The following TMEM38B variants were observed in gnomAD, a reference collection of about 807,000 sequenced individuals.
TMEM38B encodes the protein trimeric intracellular cation channel type B.
A neutral mutation model predicts 28.7 loss-of-function variants in TMEM38B; 24 were observed. The ratio of observed to expected loss-of-function variants is 0.84; its 90% confidence interval spans 0.61 to 1.18. TMEM38B has a LOEUF of 1.18. Ranked by LOEUF, TMEM38B falls within the 50% of genes most tolerant of loss-of-function variation. The probability of loss-of-function intolerance (pLI) is 0.00; values close to 1 mark genes in which losing one functional copy is unlikely to be tolerated. For synonymous variants in TMEM38B, 131 were observed against 127.7 expected (o/e 1.03, Z -0.17); for missense variants, 380 against 350.9 (o/e 1.08, Z -0.66).
At chr9:105,723,454 T>G (rs1162592490) in intron 4 of TMEM38B, among the ~76,000 whole-genome samples, 2 of 151,752 alleles carry the variant, frequency 1.3e-5, no homozygotes, top group Non-Finnish European at 2.9e-5. Flanking sequence ...TCACCCAGGC[T>G]AGAGTGCAGT....
intron 2 of TMEM38B, among the ~76,000 whole-genome samples, chr9:105,717,875 C>T (rs1836167514): frequency 6.6e-6 from 1 of 152,134 alleles, no homozygotes; most frequent in South Asian, 2.1e-4. Context: ...TACTGTGTCC[C>T]AGTTTTCTAA....
At chr9:105,765,969 T>G (rs1412987987) in intron 5 of TMEM38B, among the ~76,000 whole-genome samples, 1 of 152,054 alleles carries the variant, frequency 6.6e-6, no homozygotes, top group Non-Finnish European at 1.5e-5. Context: ...GCCTGGCTAA[T>G]TTTTCATATT....
At position 105,773,547 on chromosome 9, in the gene TMEM38B, C is replaced by G. The variant is rs1341738264; in HGVS notation, c.661-318C>G. Among the ~76,000 whole-genome samples the G allele has an allele frequency of 6.6e-5, 10 of 152,126 alleles. No homozygotes were observed. The East Asian group carries it at 1.9e-3, about 29-fold the overall frequency. ...ACAATGTAAAGCACTTATCTTCGTT[C>G]TGACACATGTTAAATGCATAGTGAT... On this transcript the variant is annotated intron_variant, in intron 5 of 5. Transcript: ENST00000374692.
chr9:105,706,434 A>G (rs965666618), intron 2 of TMEM38B, among the ~76,000 whole-genome samples: 1 of 152,240 alleles, frequency 6.6e-6, no homozygotes, highest in Non-Finnish European at 1.5e-5. Flanking sequence ...TGTGAGGTAC[A>G]CACCGGCTCA....
At chr9:105,752,384 A>C (rs73667009) in intron 5 of TMEM38B, among the ~76,000 whole-genome samples, 2,925 of 152,286 alleles carry the variant, frequency 0.019, 53 homozygotes, top group African/African-American at 0.043. Flanking sequence ...GAGACCTCCC[A>C]ACAGGGATCT....
intron 2 of TMEM38B, among the ~76,000 whole-genome samples, chr9:105,716,923 TTGGTGAGGCTTG>T (rs555721885): frequency 5.8e-4 from 89 of 152,328 alleles, no homozygotes; most frequent in African/African-American, 2.0e-3. Flanking sequence ...GTTCATAGTA[TTGGTGAGGCTTG>T]TGGTCAACAG....
intron 2 of TMEM38B, among the ~76,000 whole-genome samples, chr9:105,719,881 C>T (rs1356064867): frequency 6.6e-6 from 1 of 151,880 alleles, no homozygotes; most frequent in Non-Finnish European, 1.5e-5. Context: ...AAACAAATCC[C>T]CCTTTCTTAA....
At chr9:105,724,775 C>T (rs6477454) in intron 4 of TMEM38B, among the ~76,000 whole-genome samples, 35,524 of 152,026 alleles carry the variant, frequency 0.23, 6,809 homozygotes, top group African/African-American at 0.51. Context: ...CTTTGATTAA[C>T]GATAAGTTAT....
Position 105,773,278 on chromosome 9 carries a change from A to G in TMEM38B, c.661-587A>G, listed in dbSNP as rs75383848. Among the ~76,000 whole-genome samples, 1,372 of 152,254 alleles carry G rather than the reference A, an allele frequency of 9.0e-3. 33 individuals are homozygous for G. Among genetic ancestry groups the G allele is most frequent in the African/African-American group, 0.031 (1,276 of 41,536 alleles). ...TTATATAAAAATATATGTGGAAAAA[A>G]TTGGGGGACATTCTACAATCTGTTG... On this transcript the variant is annotated intron_variant, in intron 5 of 5. Coordinates refer to ENST00000374692, the MANE Select transcript of TMEM38B (RefSeq NM_018112.3).
At chr9:105,732,135 C>A (rs1388562450) in intron 4 of TMEM38B, among the ~76,000 whole-genome samples, 1 of 152,170 alleles carries the variant, frequency 6.6e-6, no homozygotes, top group Non-Finnish European at 1.5e-5. Context: ...ATATCCTTCA[C>A]CCACTTTTCG....
chr9:105,718,473 C>T (rs373337300), intron 2 of TMEM38B, among the ~76,000 whole-genome samples: 1 of 152,132 alleles, frequency 6.6e-6, no homozygotes, highest in Admixed American at 6.5e-5. Flanking sequence ...GTCTTCACCT[C>T]GTGATCCTCC....
At position 105,774,209 on chromosome 9, in the gene TMEM38B, G is replaced by T; in HGVS notation, c.*129G>T. ...ATGGAATGGAGGTGACAGAAAGAAA[G>T]AAATTCTTTGTTTGAGGGAGACTTC... On this transcript the variant is annotated 3_prime_UTR_variant, in exon 6 of 6. Transcript: ENST00000374692. The T allele has an allele frequency of 1.3e-6, 1 of 753,776 alleles. No homozygotes were observed. Among genetic ancestry groups the T allele is most frequent in the Non-Finnish European group, 2.1e-6 (1 of 472,370 alleles). 46.7% of individuals were successfully genotyped at this position (753,776 alleles called of 1,614,324 possible). A position where few individuals can be genotyped will look rare whatever the true frequency, so the allele number is the denominator to read the frequency against.
At chr9:105,726,721 A>C (rs1337374995) in intron 4 of TMEM38B, among the ~76,000 whole-genome samples, 1 of 152,164 alleles carries the variant, frequency 6.6e-6, no homozygotes. Context: ...TCTATCTTTT[A>C]ATTGGAGGGC....
At chr9:105,717,373 TAAC>T (rs1447076862) in intron 2 of TMEM38B, among the ~76,000 whole-genome samples, 1 of 152,130 alleles carries the variant, frequency 6.6e-6, no homozygotes, top group Non-Finnish European at 1.5e-5. Flanking sequence ...TTTAAGCATA[TAAC>T]AAGAGAAAAT....
intron 4 of TMEM38B, among the ~76,000 whole-genome samples, chr9:105,746,864 A>G (rs1440307674): frequency 1.3e-5 from 2 of 152,142 alleles, no homozygotes; most frequent in Non-Finnish European, 2.9e-5. Flanking sequence ...TTCTGTTTAT[A>G]TGCTGGATTA....
chr9:105,694,798 AC>A, intron 1 of TMEM38B, 26 bp downstream of exon 1: 1 of 1,271,642 alleles, frequency 7.9e-7, no homozygotes. Context: ...CGCGGGCCGG[AC>A]CCCTCAGAGT....
rs757700902 is a variant in TMEM38B at position 105,694,651 on chromosome 9, G to C, written c.-10G>C. 4 of 1,611,258 alleles carry C rather than the reference G, an allele frequency of 2.5e-6. No individual in the cohort carries two copies. Among genetic ancestry groups the C allele is most frequent in the Non-Finnish European group, 3.4e-6 (4 of 1,177,766 alleles). On this transcript the variant is annotated 5_prime_UTR_variant, in exon 1 of 6. Transcript: ENST00000374692. ...CGCGGCTGCTTCGGTTGCCGCGGTC[G>C]GTGGTCGTTATGGATTCTCCATGGG...
At chr9:105,747,209 A>C (rs997507073) in intron 4 of TMEM38B, among the ~76,000 whole-genome samples, 2 of 152,084 alleles carry the variant, frequency 1.3e-5, no homozygotes, top group African/African-American at 4.8e-5. Context: ...CTGGTCCTGG[A>C]CTTTTTTTGG....
At chr9:105,703,983 C>CA (rs1186046076) in intron 1 of TMEM38B, among the ~76,000 whole-genome samples, 2 of 145,190 alleles carry the variant, frequency 1.4e-5, no homozygotes, top group Non-Finnish European at 1.5e-5. Flanking sequence ...ATCGCAAGAA[C>CA]AAAAAACCAA....
Sources: allele counts gnomAD v4.1 joint callset (sites outside exome capture counted in the v4.1 genomes callset), GRCh38; gene constraint gnomAD v4.1.1; transcripts MANE v1.5; gene names NCBI Gene and HGNC (gene_info 2026-07-23, HGNC 2026-07-21).